Variants in ABHD18 observed in about 807,000 individuals in gnomAD.
The protein encoded by ABHD18 is abhydrolase domain containing 18.
ABHD18 carries 55 observed loss-of-function variants against 65.9 expected under a neutral mutation model. The observed-to-expected ratio is 0.84, with a 90% confidence interval of 0.67 to 1.05. The LOEUF (loss-of-function observed/expected upper bound fraction) is 1.05, where lower values mean the gene tolerates loss of function less well. Among genes scored for constraint, ABHD18 ranks in the 50% least tolerant of loss-of-function variants. ABHD18 has a pLI of 0.00. For missense variants in ABHD18, 533 were observed against 558.5 expected (o/e 0.95, Z 0.46); for synonymous variants, 181 against 180.2 (o/e 1.00, Z -0.04).
In ABHD18 at chr4:127,982,010, C is replaced by T. The variant is rs555177427; in HGVS notation, c.-17-929C>T. 3.9e-5 allele frequency among the ~76,000 whole-genome samples: 6 copies of T among 151,972 alleles called. No homozygotes were observed. The South Asian group carries it at 6.2e-4, about 16-fold the overall frequency. ...AATTGATGGTGGGTTACATTCTACA[C>T]GTAGGCAAACAGAGGAATATTAAGT... On this transcript the variant is annotated intron_variant, in intron 1 of 12. Coordinates refer to ENST00000645843, the MANE Select transcript of ABHD18 (RefSeq NM_001358451.3).
intron 1 of ABHD18, among the ~76,000 whole-genome samples, chr4:127,974,796 A>C (rs1579129607): frequency 6.6e-6 from 1 of 151,630 alleles, no homozygotes; most frequent in African/African-American, 2.4e-5. Context: ...GGAGTTCGAG[A>C]CCAGCCTGGC....
chr4:128,017,252 A>G (rs974799354), intron 7 of ABHD18, 111 bp from the exon 8 acceptor site: 6 of 1,005,428 alleles, frequency 6.0e-6, no homozygotes, highest in East Asian at 2.7e-5. Context: ...TTACTTAACT[A>G]TCTGGTCCTT....
chr4:128,022,088 G>A (rs914548761), intron 10 of ABHD18, among the ~76,000 whole-genome samples: 4 of 152,114 alleles, frequency 2.6e-5, no homozygotes, highest in African/African-American at 4.8e-5. Context: ...GAGGGGTGGC[G>A]GGCTAGGGGA....
At chr4:127,979,729 A>G (rs1748648983) in intron 1 of ABHD18, among the ~76,000 whole-genome samples, 2 of 152,110 alleles carry the variant, frequency 1.3e-5, no homozygotes, top group Non-Finnish European at 2.9e-5. Flanking sequence ...CAGCCTGGCC[A>G]ACATGGCAAA....
chr4:128,030,450 G>A, intron 11 of ABHD18, 60 bp from the exon 12 acceptor site: 3 of 1,193,656 alleles, frequency 2.5e-6, no homozygotes, highest in Non-Finnish European at 3.3e-6. Context: ...TTACTGCATT[G>A]TGTGGGTTTT....
At chr4:127,966,840 A>G (rs1199691383) in intron 1 of ABHD18, among the ~76,000 whole-genome samples, 1 of 147,656 alleles carries the variant, frequency 6.8e-6, no homozygotes, top group African/African-American at 2.5e-5. Flanking sequence ...AGCCGAGATC[A>G]CGCCACTGCA....
intron 4 of ABHD18, among the ~76,000 whole-genome samples, chr4:127,990,869 G>GT (rs1036625152): frequency 2.0e-5 from 3 of 151,958 alleles, no homozygotes; most frequent in Admixed American, 6.6e-5. Flanking sequence ...CTTGTTAATG[G>GT]TTTTTTGTTT....
intron 1 of ABHD18, among the ~76,000 whole-genome samples, chr4:127,971,889 A>G (rs546611312): frequency 2.6e-5 from 4 of 152,222 alleles, no homozygotes; most frequent in Non-Finnish European, 4.4e-5. Flanking sequence ...TCAGTTCCCA[A>G]TTCTGACACT....
At chr4:128,029,019 T>G (rs1165077935) in intron 11 of ABHD18, among the ~76,000 whole-genome samples, 166 bp downstream of exon 11, 1 of 152,168 alleles carries the variant, frequency 6.6e-6, no homozygotes, top group Non-Finnish European at 1.5e-5. Flanking sequence ...TGTATCATAT[T>G]CTATCTATGA....
chr4:128,021,272 T>G, intron 10 of ABHD18, 34 bp downstream of exon 10: 1 of 1,217,454 alleles, frequency 8.2e-7, no homozygotes, highest in Non-Finnish European at 1.2e-6. Flanking sequence ...ACATTGGTGG[T>G]GGGGGGAGTT....
chr4:127,968,126 G>C (rs111673160), intron 1 of ABHD18, among the ~76,000 whole-genome samples: 12,175 of 152,196 alleles, frequency 0.08, 970 homozygotes, highest in East Asian at 0.27. Flanking sequence ...AGGAGAATGG[G>C]GTGAACCCGG....
At chr4:127,968,924 A>G (rs1347766609) in intron 1 of ABHD18, among the ~76,000 whole-genome samples, 1 of 152,114 alleles carries the variant, frequency 6.6e-6, no homozygotes, top group Admixed American at 6.6e-5. Flanking sequence ...CTGTCTAGAA[A>G]GACTTACGTG....
At chr4:128,019,798 C>T (rs780331545) in intron 8 of ABHD18, among the ~76,000 whole-genome samples, 1 of 152,182 alleles carries the variant, frequency 6.6e-6, no homozygotes, top group African/African-American at 2.4e-5. Context: ...ATCTACATCT[C>T]AGCATCTTTG....
At chr4:128,028,215 A>G (rs1303995782) in intron 10 of ABHD18, among the ~76,000 whole-genome samples, 1 of 152,138 alleles carries the variant, frequency 6.6e-6, no homozygotes, top group Non-Finnish European at 1.5e-5. Context: ...GACCTCATAC[A>G]AGTGGAATCA....
intron 4 of ABHD18, among the ~76,000 whole-genome samples, chr4:127,998,138 C>T (rs1405517011): frequency 3.3e-5 from 5 of 152,146 alleles, no homozygotes; most frequent in Non-Finnish European, 7.3e-5. Context: ...ATCCTCCTGC[C>T]TCAGCCTCCC....
intron 12 of ABHD18, among the ~76,000 whole-genome samples, chr4:128,033,959 C>CTTTTTTTTTTT (rs996416880): frequency 8.1e-6 from 1 of 123,440 alleles, no homozygotes; most frequent in Non-Finnish European, 1.7e-5. Flanking sequence ...TTTCTTTTTT[C>CTTTTTTTTTTT]TTTTTTTTTT....
intron 1 of ABHD18, among the ~76,000 whole-genome samples, chr4:127,969,692 G>A (rs939963786): frequency 1.3e-5 from 2 of 151,662 alleles, no homozygotes; most frequent in African/African-American, 4.8e-5. Flanking sequence ...TAGGAAAATG[G>A]AGCATCTCAT....
rs138715667 is a variant in ABHD18, at chr4:128,033,506, A to T, written c.1344-2256A>T. Among the ~76,000 whole-genome samples, 388 of 148,544 alleles carry T rather than the reference A, an allele frequency of 2.6e-3. 1 individual carries two copies. The highest frequency in any genetic ancestry group is 4.2e-3 in the Non-Finnish European group (282 of 67,440). On this transcript the variant is annotated intron_variant, in intron 12 of 12. Transcript: ENST00000645843. ...GGAAATAATAATCTATTAGCAGGCT[A>T]TCAGTTTCAAAGATAGTCTTTTTTT...
At chr4:128,001,529 T>G (rs1052930240) in intron 4 of ABHD18, among the ~76,000 whole-genome samples, 12 of 152,194 alleles carry the variant, frequency 7.9e-5, no homozygotes, top group African/African-American at 2.9e-4. Context: ...AGTGTTGTCC[T>G]TATAGCTTCT....
Sources: gnomAD v4.1 joint callset for allele counts (sites outside exome capture counted in the v4.1 genomes callset) on GRCh38, gnomAD v4.1.1 for gene constraint, MANE v1.5 for transcripts, NCBI Gene and HGNC (gene_info 2026-07-23, HGNC 2026-07-21) for gene names.